Variants in TEK observed in about 807,000 individuals in gnomAD.
The protein encoded by TEK is TEK receptor tyrosine kinase, also known as angiopoietin-1 receptor.
A neutral mutation model predicts 131.8 loss-of-function variants in TEK; 43 were observed. The observed-to-expected ratio is 0.33, with a 90% CI of 0.26 to 0.42. The LOEUF is 0.42. TEK is among the 10% of genes least tolerant of loss of function. The probability of loss-of-function intolerance (pLI) is 1.00; values close to 1 mark genes in which losing one functional copy is unlikely to be tolerated. For missense variants in TEK, 1,162 were observed against 1,384.4 expected (o/e 0.84, Z 2.55); for synonymous variants, 580 against 491.6 (o/e 1.18, Z -2.38).
intron 1 of TEK, among the ~76,000 whole-genome samples, chr9:27,150,715 T>A (rs1203462243): frequency 6.6e-6 from 1 of 152,192 alleles, no homozygotes; most frequent in Non-Finnish European, 1.5e-5. Context: ...CCCCACTGCC[T>A]CACAGAATGG....
Position 27,171,112 on chromosome 9 carries a change from A to T in TEK, c.628+1483A>T, listed in dbSNP as rs530003158. Reference sequence around the variant, plus strand: ...GAAAAATGTAAGAGTTAGAACTAGTAAAAACTTTTTTTCTCCATTATAACT... The same window carrying T: ...GAAAAATGTAAGAGTTAGAACTAGTTAAAACTTTTTTTCTCCATTATAACT... On this transcript the variant is annotated intron_variant, in intron 4 of 22. Coordinates refer to ENST00000380036, the MANE Select transcript of TEK (RefSeq NM_000459.5). 4.7e-3 allele frequency among the ~76,000 whole-genome samples: 723 copies of T among 152,274 alleles called. 3 individuals are homozygous for T. The highest frequency in any genetic ancestry group is 8.1e-3 in the Non-Finnish European group (548 of 68,010).
chr9:27,212,955 G>T (rs1183102704), intron 17 of TEK, 58 bp downstream of exon 17: 3 of 1,568,684 alleles, frequency 1.9e-6, no homozygotes, highest in Non-Finnish European at 2.6e-6. Flanking sequence ...TCTAAAGTCA[G>T]TTTCAATATG....
Position 27,203,132 on chromosome 9 carries a change from G to A in TEK, c.2209+13G>A. 1 of 1,613,830 alleles carries A rather than the reference G, an allele frequency of 6.2e-7. No homozygotes were observed. Among genetic ancestry groups the A allele is most frequent in the African/African-American group, 1.3e-5 (1 of 75,034 alleles). Reference sequence around the variant, plus strand: ...CCAGAATCTCAAGGTTGGTTGAATGGACAAGTATTTACATAGGATTACCGT... The same window carrying A: ...CCAGAATCTCAAGGTTGGTTGAATGAACAAGTATTTACATAGGATTACCGT... On this transcript the variant is annotated intron_variant, in intron 13 of 22. Transcript: ENST00000380036.
At chr9:27,190,423 A>G in intron 9 of TEK, 106 bp from the exon 10 acceptor site, 11 of 1,409,720 alleles carry the variant, frequency 7.8e-6, no homozygotes, top group Non-Finnish European at 1.1e-5. Context: ...AGAAAACTTT[A>G]AGAGGACTTT....
At position 27,220,045 on chromosome 9, in the gene TEK, C is replaced by T. The variant is rs1826000924; in HGVS notation, c.3104-4C>T. 1 of 1,613,984 alleles carries T rather than the reference C, an allele frequency of 6.2e-7. No homozygotes were observed. Among genetic ancestry groups the T allele is most frequent in the Non-Finnish European group, 8.5e-7 (1 of 1,179,908 alleles). On this transcript the variant is annotated splice_polypyrimidine_tract_variant and splice_region_variant and intron_variant, in intron 20 of 22. Transcript: ENST00000380036. ...GACTTAGAGTGGCACTGTTTGTCTT[C>T]CAGGAGGCACACCCTACTGCGGGAT... is the stretch of plus-strand genomic sequence containing the variant.
intron 1 of TEK, 33 bp downstream of exon 1, chr9:27,109,675 AT>A (rs1279292318): frequency 6.2e-7 from 1 of 1,610,186 alleles, no homozygotes; most frequent in Non-Finnish European, 8.5e-7. Context: ...TTAATTTAGT[AT>A]TTTAAAAAAC....
chr9:27,158,680 G>A (rs1300477962), intron 2 of TEK, among the ~76,000 whole-genome samples: 1 of 149,328 alleles, frequency 6.7e-6, no homozygotes. Flanking sequence ...TTTTTTGGGG[G>A]GGTGGAGTCT....
Position 27,226,403 on chromosome 9 carries a change from A to AAGAAAGGATGAGTTCTTGT in TEK, c.3201-1802_3201-1784dup, listed in dbSNP as rs1287800070. ...ACACCATGGAATACTATGCAGCCAT[A>AAGAAAGGATGAGTTCTTGT]AGAAAGGATGAGTTCTTGTCCTTTG... On this transcript the variant is annotated intron_variant, in intron 21 of 22. Coordinates refer to ENST00000380036, the MANE Select transcript of TEK (RefSeq NM_000459.5). 3.3e-5 allele frequency among the ~76,000 whole-genome samples: 5 copies of AAGAAAGGATGAGTTCTTGT among 152,376 alleles called. No homozygotes were observed. In the East Asian group the frequency reaches 9.6e-4, roughly 29 times the overall value.
At chr9:27,121,187 C>T (rs1407570894) in intron 1 of TEK, among the ~76,000 whole-genome samples, 1 of 151,978 alleles carries the variant, frequency 6.6e-6, no homozygotes, top group South Asian at 2.1e-4. Context: ...ATTAGCCAGG[C>T]GTGGTGGTGC....
chr9:27,210,825 A>G (rs887803452), intron 16 of TEK, among the ~76,000 whole-genome samples: 9 of 152,166 alleles, frequency 5.9e-5, no homozygotes, highest in Admixed American at 2.6e-4. Flanking sequence ...TGGCTCTTAA[A>G]ATTTTAAGAT....
At chr9:27,143,963 T>C (rs148907094) in intron 1 of TEK, among the ~76,000 whole-genome samples, 113 of 152,194 alleles carry the variant, frequency 7.4e-4, no homozygotes, top group African/African-American at 2.7e-3. Flanking sequence ...AGGAAGGCAA[T>C]GCAGACAGGG....
chr9:27,197,854 G>A (rs1276702404), intron 12 of TEK, among the ~76,000 whole-genome samples: 1 of 152,120 alleles, frequency 6.6e-6, no homozygotes, highest in Non-Finnish European at 1.5e-5. Flanking sequence ...TAGTAAATTA[G>A]TAACAAGAAG....
intron 1 of TEK, among the ~76,000 whole-genome samples, chr9:27,125,100 C>T (rs576317343): frequency 2.4e-4 from 36 of 152,356 alleles, no homozygotes; most frequent in Admixed American, 3.9e-4. Flanking sequence ...CCCGCCTCGG[C>T]CCTGTGTATC....
chr9:27,226,864 A>G (rs1826351582), intron 21 of TEK, among the ~76,000 whole-genome samples: 1 of 152,176 alleles, frequency 6.6e-6, no homozygotes, highest in East Asian at 1.9e-4. Flanking sequence ...GGTAGAAGCT[A>G]ACTGGCATGT....
At chr9:27,169,913 T>G (rs1171331489) in intron 4 of TEK, among the ~76,000 whole-genome samples, 1 of 152,184 alleles carries the variant, frequency 6.6e-6, no homozygotes, top group African/African-American at 2.4e-5. Context: ...TTTTCTTTTC[T>G]CAGGGCAAAT....
intron 10 of TEK, among the ~76,000 whole-genome samples, chr9:27,191,340 C>G (rs1274144500): frequency 1.3e-5 from 2 of 152,066 alleles, no homozygotes; most frequent in Non-Finnish European, 2.9e-5. Context: ...TTCATGAAAA[C>G]AGTTGAATTT....
At chr9:27,218,691 G>A in intron 19 of TEK, 86 bp from the exon 20 acceptor site, 2 of 1,370,218 alleles carry the variant, frequency 1.5e-6, no homozygotes, top group Non-Finnish European at 2.1e-6. Context: ...TTCTCAGAAA[G>A]GGTGGGTCTC....
At chr9:27,220,316 A>G (rs1826011485) in intron 21 of TEK, among the ~76,000 whole-genome samples, 171 bp downstream of exon 21, 1 of 152,174 alleles carries the variant, frequency 6.6e-6, no homozygotes, top group African/African-American at 2.4e-5. Flanking sequence ...GTTATATAAT[A>G]CACAAGAAGT....
chr9:27,215,430 T>C (rs1488090913), intron 18 of TEK, among the ~76,000 whole-genome samples: 1 of 152,154 alleles, frequency 6.6e-6, no homozygotes, highest in East Asian at 1.9e-4. Context: ...TGGCAGCCAA[T>C]TTTAAAATCA....
Sources: allele counts gnomAD v4.1 joint callset (sites outside exome capture counted in the v4.1 genomes callset), GRCh38; gene constraint gnomAD v4.1.1; transcripts MANE v1.5; gene names NCBI Gene and HGNC (gene_info 2026-07-23, HGNC 2026-07-21).